ARFGEF1: variants seen among roughly 807,000 people sequenced by gnomAD.
The protein encoded by ARFGEF1 is brefeldin A-inhibited guanine nucleotide-exchange protein 1.
A neutral mutation model predicts 231.0 loss-of-function variants in ARFGEF1; 42 were observed. That is an observed-to-expected ratio of 0.18 (90% CI 0.14 to 0.24). ARFGEF1 has a LOEUF of 0.24. Ranked by LOEUF, ARFGEF1 falls within the 10% of genes least tolerant of loss-of-function variation. The probability of loss-of-function intolerance (pLI) is 1.00; values close to 1 mark genes in which losing one functional copy is unlikely to be tolerated. For missense variants in ARFGEF1, 1,345 were observed against 2,192.0 expected (o/e 0.61, Z 7.72); for synonymous variants, 710 against 732.3 (o/e 0.97, Z 0.49).
intron 1 of ARFGEF1, among the ~76,000 whole-genome samples, chr8:67,325,301 GT>G (rs1276206398): frequency 3.3e-5 from 5 of 151,798 alleles, no homozygotes; most frequent in Non-Finnish European, 7.4e-5. Context: ...ATTATAATGA[GT>G]GCTTACACCT....
intron 23 of ARFGEF1, among the ~76,000 whole-genome samples, chr8:67,231,993 CAAGTAGA>C (rs952043775): frequency 2.0e-5 from 3 of 151,846 alleles, no homozygotes; most frequent in African/African-American, 7.3e-5. Flanking sequence ...AAAACAACAG[CAAGTAGA>C]CATTAAGAAT....
At chr8:67,216,349 G>A (rs981892116) in intron 33 of ARFGEF1, among the ~76,000 whole-genome samples, 3 of 152,080 alleles carry the variant, frequency 2.0e-5, no homozygotes, top group African/African-American at 7.2e-5. Flanking sequence ...TCCACCACGT[G>A]AGAATGCAGC....
chr8:67,339,339 G>T (rs577840435), intron 1 of ARFGEF1, among the ~76,000 whole-genome samples: 4 of 151,846 alleles, frequency 2.6e-5, no homozygotes, highest in African/African-American at 9.7e-5. Context: ...CTCTTATTGT[G>T]TATCAGTGAC....
rs371855889 is a variant in ARFGEF1, at chr8:67,208,609, G to A, written c.4819+2874C>T. On this transcript the variant is annotated intron_variant, in intron 34 of 38. Coordinates refer to ENST00000262215, the MANE Select transcript of ARFGEF1 (RefSeq NM_006421.5). ...CACACCACTGCACTCCAGCCTGAGC[G>A]ACAGAGTGAGACTCCATCTCAAAAA... Among the ~76,000 whole-genome samples the A allele has an allele frequency of 1.7e-4, 21 of 126,798 alleles. 1 individual carries two copies. The highest frequency in any genetic ancestry group is 1.1e-3 in the East Asian group (5 of 4,380). The allele number at this position is 126,798 out of a possible 152,430, so 83.2% of individuals were successfully genotyped here.
At chr8:67,213,423 GTC>G (rs1656809686) in intron 33 of ARFGEF1, among the ~76,000 whole-genome samples, 1 of 152,152 alleles carries the variant, frequency 6.6e-6, no homozygotes, top group South Asian at 2.1e-4. Flanking sequence ...AAAATTGTGT[GTC>G]TGGGAGGCAG....
chr8:67,199,387 G>T, intron 38 of ARFGEF1: 1 of 276,998 alleles, frequency 3.6e-6, no homozygotes. Context: ...CAGCAGGCAA[G>T]TGAGTACAAA....
intron 19 of ARFGEF1, among the ~76,000 whole-genome samples, chr8:67,244,659 A>G (rs1840050793): frequency 1.3e-5 from 2 of 149,884 alleles, no homozygotes; most frequent in East Asian, 3.9e-4. Flanking sequence ...AAGCGTGAAG[A>G]CAGGCTATCT....
chr8:67,302,906 TAAAAAAAAAAA>T (rs139020447), intron 1 of ARFGEF1, among the ~76,000 whole-genome samples: 17 of 102,024 alleles, frequency 1.7e-4, no homozygotes, highest in South Asian at 1.0e-3. Flanking sequence ...CCCCATCTCT[TAAAAAAAAAAA>T]AAAAAAAAAA....
At chr8:67,182,657 T>G (rs1049930500) in intron 5 of ARFGEF1, among the ~76,000 whole-genome samples, 1 of 152,244 alleles carries the variant, frequency 6.6e-6, no homozygotes, top group Non-Finnish European at 1.5e-5. Flanking sequence ...TTACTTTGTT[T>G]TTTGAATAGT....
intron 1 of ARFGEF1, among the ~76,000 whole-genome samples, chr8:67,311,420 G>C (rs1380257959): frequency 3.0e-5 from 4 of 132,404 alleles, no homozygotes; most frequent in East Asian, 2.5e-4. Flanking sequence ...GGAGGTGGGG[G>C]GTCAGCCCCC....
intron 9 of ARFGEF1, among the ~76,000 whole-genome samples, chr8:67,272,145 A>C (rs571768300): frequency 1.3e-5 from 2 of 152,212 alleles, no homozygotes; most frequent in Admixed American, 6.5e-5. Context: ...TGTTCCCCTG[A>C]ACCATATATT....
In ARFGEF1 at chr8:67,343,254, G is replaced by C; in HGVS notation, c.34C>G (p.Leu12Val). ...AATATCTTCTCCAGAGCCCGGGTCAGGAACATGTTCTTCGTCTTCTTCCCC... is the reference window on the plus strand; with the variant it reads ...AATATCTTCTCCAGAGCCCGGGTCACGAACATGTTCTTCGTCTTCTTCCCC... ...YEGKKTKNMFLTRALEKILAD... is the reference protein window; with the variant it reads ...YEGKKTKNMFVTRALEKILAD... The change falls in exon 1 of 39, where the codon CTG (leucine) becomes GTG (valine). Residue 12 changes from leucine (L) to valine (V), a missense_variant. Leu to Val is a conservative substitution (Grantham distance 32, BLOSUM62 1). Transcript: ENST00000262215. 6.8e-6 allele frequency: 11 copies of C among 1,613,930 alleles called. No individual in the cohort carries two copies. Among genetic ancestry groups the C allele is most frequent in the Admixed American group, 3.3e-5 (2 of 60,026 alleles).
At chr8:67,235,068 GTGTA>G (rs1342271795) in intron 22 of ARFGEF1, among the ~76,000 whole-genome samples, 2 of 142,260 alleles carry the variant, frequency 1.4e-5, no homozygotes, top group African/African-American at 5.8e-5. Context: ...ATGTGTATGT[GTGTA>G]TATATATATA....
chr8:67,248,064 T>C (rs1563863066), intron 19 of ARFGEF1, among the ~76,000 whole-genome samples: 1 of 150,122 alleles, frequency 6.7e-6, no homozygotes, highest in Admixed American at 6.6e-5. Flanking sequence ...AGAATCAATA[T>C]TGCTAAAATG....
At chr8:67,223,807 G>A (rs930548709) in intron 29 of ARFGEF1, among the ~76,000 whole-genome samples, 6 of 152,126 alleles carry the variant, frequency 3.9e-5, no homozygotes, top group South Asian at 4.1e-4. Flanking sequence ...TATGTCAGCC[G>A]CTCCACTGAG....
chr8:67,265,979 C>T, intron 14 of ARFGEF1, 27 bp downstream of exon 14: 1 of 1,604,310 alleles, frequency 6.2e-7, no homozygotes, highest in Non-Finnish European at 8.5e-7. Context: ...TATTCAATAA[C>T]ATTTCTCCTT....
Position 67,199,014 on chromosome 8 carries a change from T to C in ARFGEF1, c.5470A>G (p.Arg1824Gly), listed in dbSNP as rs1189313598. The part of the protein sequence containing the change: ...DLIPELRAVL[R>G]RFFLRIGVVF... ...ACTCCGATTCGCAGAAAAAATCTTC[T>C]AAGAACAGCACGAAGTTCAGGAATC... The change falls in exon 39 of 39, where the codon AGA becomes GGA. Residue 1824 changes from arginine (R) to glycine (G), a missense_variant. Arg to Gly is a moderately radical substitution (Grantham distance 125). This residue lies in a region of ARFGEF1 where 161 missense variants were observed against 284.9 expected (regional missense o/e 0.57). Transcript: ENST00000262215. The C allele has an allele frequency of 1.2e-6, 2 of 1,612,832 alleles. No individual in the cohort carries two copies. The highest frequency in any genetic ancestry group is 2.2e-5 in the East Asian group (1 of 44,870).
intron 5 of ARFGEF1, chr8:67,190,817 T>C (rs1387980284): frequency 8.2e-7 from 1 of 1,225,604 alleles, no homozygotes; most frequent in South Asian, 1.2e-5. Flanking sequence ...GTCTGGGTTC[T>C]GACCTGTGCT....
At chr8:67,258,818 T>TACACACACACACACACACACACACACAC (rs10576509) in intron 15 of ARFGEF1, among the ~76,000 whole-genome samples, 4 of 142,934 alleles carry the variant, frequency 2.8e-5, no homozygotes, top group African/African-American at 7.9e-5. Flanking sequence ...AAGCAGATTT[T>TACACACACACACACACACACACACACAC]ACACACACAC....
Sources: allele counts gnomAD v4.1 joint callset (sites outside exome capture counted in the v4.1 genomes callset), GRCh38; gene constraint gnomAD v4.1.1; regional missense constraint gnomAD v4.1.1; transcripts MANE v1.5; gene names NCBI Gene and HGNC (gene_info 2026-07-23, HGNC 2026-07-21).